The following EDIL3 variants were observed in gnomAD, a reference collection of about 807,000 sequenced individuals.
EDIL3 encodes the protein EGF like and discoidin domains 3.
Under a neutral mutation model 67.4 loss-of-function variants are expected in EDIL3, and 37 were observed. The ratio of observed to expected loss-of-function variants is 0.55; its 90% CI spans 0.42 to 0.72. The LOEUF is 0.72. Among genes scored for constraint, EDIL3 ranks in the 30% least tolerant of loss-of-function variants. EDIL3 has a pLI of 0.00. For synonymous variants in EDIL3, 195 were observed against 196.3 expected (o/e 0.99, Z 0.05); for missense variants, 527 against 586.3 (o/e 0.90, Z 1.04).
rs1266682233 is a variant in EDIL3 at position 83,963,130 on chromosome 5, C to T, written c.1293+75G>A. On this transcript the variant is annotated intron_variant, in intron 10 of 10. Coordinates refer to ENST00000296591, the MANE Select transcript of EDIL3 (RefSeq NM_005711.5). ...ACTATTTTCAGTACAGATGTATAAGCAGTTAATTCAATCAAACTTGGGTGT... is the reference window on the plus strand; with the variant it reads ...ACTATTTTCAGTACAGATGTATAAGTAGTTAATTCAATCAAACTTGGGTGT... 7 of 1,478,668 alleles carry T rather than the reference C, an allele frequency of 4.7e-6. No homozygotes were observed. The Admixed American group carries it at 9.0e-5, about 19-fold the overall frequency. The allele number at this position is 1,478,668 out of a possible 1,614,324, so 91.6% of individuals were successfully genotyped here. A position where few individuals can be genotyped will look rare whatever the true frequency, so the allele number is the denominator to read the frequency against.
At chr5:84,371,456 GAGAGAGAGAGAGAGAGAGAGAA>G (rs1747853216) in intron 1 of EDIL3, among the ~76,000 whole-genome samples, 2 of 93,112 alleles carry the variant, frequency 2.1e-5, no homozygotes, top group Non-Finnish European at 4.7e-5. Flanking sequence ...TATATAGAGA[GAGAGAGAGAGAGAGAGAGAGAA>G]AGAGAGAGAG....
chr5:84,094,963 A>T (rs1001183110), intron 6 of EDIL3, among the ~76,000 whole-genome samples: 1 of 152,210 alleles, frequency 6.6e-6, no homozygotes, highest in African/African-American at 2.4e-5. Context: ...GAGAATTTTC[A>T]TGGGTTACTT....
At chr5:84,216,486 G>A (rs538837613) in intron 3 of EDIL3, among the ~76,000 whole-genome samples, 3 of 150,984 alleles carry the variant, frequency 2.0e-5, no homozygotes, top group Admixed American at 2.0e-4. Context: ...TAAAAAGGCT[G>A]AGTTTGCTGC....
At chr5:84,171,537 A>G (rs539283760) in intron 4 of EDIL3, among the ~76,000 whole-genome samples, 12 of 152,314 alleles carry the variant, frequency 7.9e-5, no homozygotes, top group African/African-American at 2.9e-4. Context: ...CAGTAAGCTA[A>G]TATATTTTTC....
intron 3 of EDIL3, among the ~76,000 whole-genome samples, chr5:84,217,267 G>T (rs1047820247): frequency 3.3e-5 from 5 of 152,006 alleles, no homozygotes; most frequent in African/African-American, 9.7e-5. Context: ...CATTAATTAT[G>T]ATTAAACATT....
intron 4 of EDIL3, among the ~76,000 whole-genome samples, chr5:84,173,969 T>G: frequency 6.6e-6 from 1 of 152,150 alleles, no homozygotes; most frequent in East Asian, 1.9e-4. Context: ...AAAGGTATGG[T>G]GCACTCGTCT....
intron 6 of EDIL3, among the ~76,000 whole-genome samples, chr5:84,092,513 A>C (rs1397097839): frequency 6.6e-6 from 1 of 152,198 alleles, no homozygotes. Context: ...GTGTTAAAGT[A>C]ATTCTCTATA....
intron 1 of EDIL3, among the ~76,000 whole-genome samples, chr5:84,309,966 A>G (rs1746351776): frequency 6.6e-6 from 1 of 152,190 alleles, no homozygotes; most frequent in Admixed American, 6.5e-5. Flanking sequence ...CAACAGTGTG[A>G]AAGTGTTCCT....
At position 84,384,479 on chromosome 5, in the gene EDIL3, G is replaced by T; in HGVS notation, c.-105C>A. 1.9e-6 allele frequency: 2 copies of T among 1,074,838 alleles called. No individual in the cohort carries two copies. The highest frequency in any genetic ancestry group is 2.8e-6 in the Non-Finnish European group (2 of 722,378). 66.6% of individuals were successfully genotyped at this position (1,074,838 alleles called of 1,614,324 possible). A position where few individuals can be genotyped will look rare whatever the true frequency, so the allele number is the denominator to read the frequency against. ...AGCAGCAGACTCCGCCCCTACTAAAGAATTCAAGAAGACGTTCTCTTTCCT... is the reference window on the plus strand; with the variant it reads ...AGCAGCAGACTCCGCCCCTACTAAATAATTCAAGAAGACGTTCTCTTTCCT... On this transcript the variant is annotated 5_prime_UTR_variant, in exon 1 of 11. Transcript: ENST00000296591.
chr5:84,300,678 T>G (rs552852107), intron 1 of EDIL3, among the ~76,000 whole-genome samples: 1 of 152,260 alleles, frequency 6.6e-6, no homozygotes, highest in Admixed American at 6.5e-5. Context: ...TTAAGAAATA[T>G]TTGTTAGTTA....
intron 5 of EDIL3, among the ~76,000 whole-genome samples, chr5:84,117,138 C>A (rs1220806906): frequency 6.8e-6 from 1 of 147,728 alleles, no homozygotes; most frequent in Non-Finnish European, 1.5e-5. Flanking sequence ...CGCCATTCTC[C>A]CGCCTCAGCC....
At chr5:84,128,145 G>C (rs1747899000) in intron 5 of EDIL3, among the ~76,000 whole-genome samples, 1 of 152,084 alleles carries the variant, frequency 6.6e-6, no homozygotes, top group Non-Finnish European at 1.5e-5. Flanking sequence ...GGTCACACTA[G>C]CTGTTGCTGT....
chr5:83,967,741 G>A (rs1580257048), intron 9 of EDIL3, among the ~76,000 whole-genome samples: 1 of 152,086 alleles, frequency 6.6e-6, no homozygotes, highest in African/African-American at 2.4e-5. Flanking sequence ...GGAAGAAGAT[G>A]GGGCAGACTG....
intron 1 of EDIL3, among the ~76,000 whole-genome samples, chr5:84,382,080 A>T (rs1057371876): frequency 3.9e-5 from 6 of 152,226 alleles, no homozygotes; most frequent in African/African-American, 1.4e-4. Flanking sequence ...CCTTCTGCAG[A>T]GGTGAGGGAG....
chr5:83,983,022 G>A (rs1020042941), intron 9 of EDIL3, among the ~76,000 whole-genome samples: 2 of 152,146 alleles, frequency 1.3e-5, no homozygotes, highest in Admixed American at 6.6e-5. Flanking sequence ...TTTTTCTCAT[G>A]GGTCTCCCCC....
At chr5:84,171,756 T>C (rs976401490) in intron 4 of EDIL3, among the ~76,000 whole-genome samples, 3 of 152,206 alleles carry the variant, frequency 2.0e-5, no homozygotes, top group Non-Finnish European at 2.9e-5. Flanking sequence ...AGAACACTGA[T>C]TTTCAGTCTT....
At chr5:84,263,973 C>T (rs1343392684) in intron 1 of EDIL3, among the ~76,000 whole-genome samples, 5 of 152,182 alleles carry the variant, frequency 3.3e-5, no homozygotes, top group African/African-American at 4.8e-5. Context: ...GGAATGATGG[C>T]TCATGCCTGT....
At chr5:84,251,670 C>T (rs575039716) in intron 2 of EDIL3, among the ~76,000 whole-genome samples, 68 of 152,212 alleles carry the variant, frequency 4.5e-4, no homozygotes, top group African/African-American at 1.5e-3. Context: ...AACTTGAAAA[C>T]TGTGCTTGAT....
At chr5:84,155,302 T>A (rs1467320817) in intron 4 of EDIL3, among the ~76,000 whole-genome samples, 1 of 152,234 alleles carries the variant, frequency 6.6e-6, no homozygotes. Flanking sequence ...AATTTTTTCA[T>A]CGTCTTTTAA....
Sources: allele counts gnomAD v4.1 joint callset (sites outside exome capture counted in the v4.1 genomes callset), GRCh38; gene constraint gnomAD v4.1.1; transcripts MANE v1.5; gene names NCBI Gene and HGNC (gene_info 2026-07-23, HGNC 2026-07-21).